Variants in ACAP2 observed in about 807,000 individuals in gnomAD.
The protein encoded by ACAP2 is arf-GAP with coiled-coil, ANK repeat and PH domain-containing protein 2.
A neutral mutation model predicts 115.8 loss-of-function variants in ACAP2; 39 were observed. That is an observed-to-expected ratio of 0.34 (90% CI 0.26 to 0.44). The LOEUF (loss-of-function observed/expected upper bound fraction) is 0.44. Among genes scored for constraint, ACAP2 ranks in the 20% least tolerant of loss-of-function variants. The probability of loss-of-function intolerance (pLI) is 1.00; values close to 1 mark genes in which losing one functional copy is unlikely to be tolerated. For missense variants in ACAP2, 662 were observed against 927.6 expected, an observed-to-expected ratio of 0.71 and a Z score of 3.72; for synonymous variants, 289 against 315.8, an observed-to-expected ratio of 0.92 and a Z score of 0.90.
At chr3:195,414,009 AAAAG>A (rs906867352) in intron 1 of ACAP2, among the ~76,000 whole-genome samples, 31 of 152,106 alleles carry the variant, frequency 2.0e-4, no homozygotes, top group African/African-American at 4.6e-4. Flanking sequence ...GAAAAAGAAA[AAAAG>A]AAAGAAAAGA....
At chr3:195,374,062 C>T (rs1445994690) in intron 4 of ACAP2, among the ~76,000 whole-genome samples, 1 of 152,096 alleles carries the variant, frequency 6.6e-6, no homozygotes, top group African/African-American at 2.4e-5. Context: ...AAAGGTAGAG[C>T]AACTTCGGTG....
chr3:195,379,807 A>G (rs930124425), intron 4 of ACAP2, among the ~76,000 whole-genome samples: 1 of 152,132 alleles, frequency 6.6e-6, no homozygotes, highest in Admixed American at 6.5e-5. Flanking sequence ...CCATCTCTAA[A>G]TAAATAAAGG....
intron 4 of ACAP2, among the ~76,000 whole-genome samples, chr3:195,362,601 A>C (rs950184259): frequency 1.3e-5 from 2 of 152,188 alleles, no homozygotes; most frequent in Non-Finnish European, 2.9e-5. Flanking sequence ...ACAAAATATA[A>C]GCAAACTCAA....
intron 4 of ACAP2, among the ~76,000 whole-genome samples, chr3:195,360,777 G>A (rs112629905): frequency 0.058 from 8,748 of 150,566 alleles, 804 homozygotes; most frequent in African/African-American, 0.2. Flanking sequence ...CAGCTTGGGC[G>A]ACAGAGTGAG....
intron 8 of ACAP2, among the ~76,000 whole-genome samples, chr3:195,329,216 G>T (rs1451341984): frequency 6.6e-6 from 1 of 152,204 alleles, no homozygotes; most frequent in East Asian, 1.9e-4. Context: ...GAGTTTGGGG[G>T]AAGGCATGAG....
intron 4 of ACAP2, among the ~76,000 whole-genome samples, chr3:195,355,879 C>A (rs1329873744): frequency 6.6e-6 from 1 of 152,132 alleles, no homozygotes. Context: ...AAATATTATT[C>A]AGGGCCAGGC....
At chr3:195,307,014 T>C (rs1728469674) in intron 12 of ACAP2, 1 of 443,772 alleles carries the variant, frequency 2.3e-6, no homozygotes, top group South Asian at 3.8e-5. Context: ...ATCACCTTTA[T>C]GGAATTTAAA....
chr3:195,421,238 A>G (rs897698958), intron 1 of ACAP2, among the ~76,000 whole-genome samples: 1 of 152,194 alleles, frequency 6.6e-6, no homozygotes, highest in African/African-American at 2.4e-5. Context: ...AGAAGTTTTC[A>G]TTCAGTAGGT....
intron 8 of ACAP2, among the ~76,000 whole-genome samples, chr3:195,330,645 C>T (rs1377122609): frequency 6.6e-6 from 1 of 152,166 alleles, no homozygotes; most frequent in East Asian, 1.9e-4. Context: ...TTTGACCCTT[C>T]CCTATATGGT....
At chr3:195,289,714 G>C (rs1357758934) in intron 20 of ACAP2, among the ~76,000 whole-genome samples, 1 of 150,340 alleles carries the variant, frequency 6.7e-6, no homozygotes, top group Non-Finnish European at 1.5e-5. Context: ...GCTGAGGCAG[G>C]AGAATGGCGT....
chr3:195,287,895 G>T (rs1234485991), intron 21 of ACAP2, among the ~76,000 whole-genome samples: 2 of 152,058 alleles, frequency 1.3e-5, no homozygotes, highest in Non-Finnish European at 1.5e-5. Context: ...CCTGAGGTCA[G>T]GAGTTTAAGA....
intron 4 of ACAP2, among the ~76,000 whole-genome samples, chr3:195,367,065 A>C (rs1577365413): frequency 1.3e-5 from 2 of 151,938 alleles, no homozygotes; most frequent in South Asian, 4.1e-4. Context: ...AAAAAAAAAA[A>C]AAAAAACGGC....
chr3:195,329,921 G>A (rs1327383693), intron 8 of ACAP2, among the ~76,000 whole-genome samples: 19 of 151,928 alleles, frequency 1.3e-4, no homozygotes, highest in Non-Finnish European at 2.9e-5. Context: ...CCCCAAGTCA[G>A]CTTCTCTTTT....
chr3:195,401,605 T>C (rs943714878), intron 1 of ACAP2, among the ~76,000 whole-genome samples: 2 of 152,202 alleles, frequency 1.3e-5, no homozygotes, highest in Admixed American at 6.5e-5. Context: ...AGGCAGAGGT[T>C]GCAGTGAGTT....
chr3:195,391,354 C>A (rs556246340), intron 2 of ACAP2, among the ~76,000 whole-genome samples: 1 of 151,680 alleles, frequency 6.6e-6, no homozygotes, highest in Non-Finnish European at 1.5e-5. Flanking sequence ...CTCAGCCTCC[C>A]GAGTAGCTAG....
chr3:195,376,518 G>A (rs1733553601), intron 4 of ACAP2, among the ~76,000 whole-genome samples: 1 of 152,116 alleles, frequency 6.6e-6, no homozygotes, highest in Non-Finnish European at 1.5e-5. Flanking sequence ...ACTCCAGCCT[G>A]GGAGAGAAAG....
intron 1 of ACAP2, among the ~76,000 whole-genome samples, chr3:195,438,327 C>T (rs1156733442): frequency 6.6e-6 from 1 of 151,660 alleles, no homozygotes; most frequent in Non-Finnish European, 1.5e-5. Context: ...CACACCCAGT[C>T]AGGATTCCTG....
chr3:195,379,138 C>A (rs1486664028), intron 4 of ACAP2, among the ~76,000 whole-genome samples: 2 of 151,794 alleles, frequency 1.3e-5, no homozygotes, highest in Admixed American at 1.3e-4. Context: ...CAACAGAAGG[C>A]AAAAAGAAAA....
At chr3:195,426,589 C>T (rs1167008621) in intron 1 of ACAP2, among the ~76,000 whole-genome samples, 1 of 152,112 alleles carries the variant, frequency 6.6e-6, no homozygotes, top group African/African-American at 2.4e-5. Flanking sequence ...ACAGAATATA[C>T]GATGCAGTCT....
Sources: gnomAD v4.1 joint callset for allele counts (sites outside exome capture counted in the v4.1 genomes callset) on GRCh38, gnomAD v4.1.1 for gene constraint, MANE v1.5 for transcripts, NCBI Gene and HGNC (gene_info 2026-07-23, HGNC 2026-07-21) for gene names.